RPTOR: variants seen among roughly 807,000 people sequenced by gnomAD.
RPTOR encodes regulatory associated protein of MTOR complex 1.
In RPTOR, 21 loss-of-function variants were observed where a neutral mutation model predicts 169.9. The observed-to-expected ratio is 0.12, with a 90% CI of 0.09 to 0.18. RPTOR has a LOEUF of 0.18. RPTOR is among the 10% of genes least tolerant of loss of function. RPTOR has a pLI of 1.00. For synonymous variants in RPTOR, 732 were observed against 753.2 expected (o/e 0.97, Z 0.46); for missense variants, 1,133 against 1,855.9 (o/e 0.61, Z 7.16).
At chr17:80,894,951 C>T (rs538770159) in intron 20 of RPTOR, among the ~76,000 whole-genome samples, 12 of 152,366 alleles carry the variant, frequency 7.9e-5, no homozygotes, top group Non-Finnish European at 1.5e-4. Flanking sequence ...ATGCGTGGCC[C>T]GCAAAGCCCG....
intron 13 of RPTOR, among the ~76,000 whole-genome samples, chr17:80,866,759 T>C (rs114500061): frequency 2.7e-3 from 411 of 152,282 alleles, no homozygotes; most frequent in African/African-American, 9.8e-3. Flanking sequence ...CTTCTTTTTT[T>C]TTTAGAGACT....
intron 5 of RPTOR, among the ~76,000 whole-genome samples, chr17:80,745,638 C>T (rs2066565555): frequency 6.6e-6 from 1 of 152,174 alleles, no homozygotes; most frequent in South Asian, 2.1e-4. Context: ...CCTTTAGCAG[C>T]CTCAGCCTTT....
intron 20 of RPTOR, among the ~76,000 whole-genome samples, chr17:80,900,388 C>T (rs948249448): frequency 5.3e-5 from 8 of 152,020 alleles, no homozygotes; most frequent in Non-Finnish European, 7.4e-5. Flanking sequence ...TTTAATGGCG[C>T]GATCTCTGCT....
chr17:80,687,614 A>C (rs1203628626), intron 3 of RPTOR, among the ~76,000 whole-genome samples: 1 of 152,004 alleles, frequency 6.6e-6, no homozygotes, highest in Non-Finnish European at 1.5e-5. Flanking sequence ...TGGGTGTTGT[A>C]CCTCGGTGTC....
chr17:80,561,525 G>A (rs2084495839), intron 1 of RPTOR, among the ~76,000 whole-genome samples: 1 of 151,864 alleles, frequency 6.6e-6, no homozygotes, highest in African/African-American at 2.4e-5. Flanking sequence ...CGACCTCCCT[G>A]GTCTCAGGTG....
chr17:80,908,690 A>G (rs1443797441), intron 20 of RPTOR, 121 bp from the exon 21 acceptor site: 3 of 704,282 alleles, frequency 4.3e-6, no homozygotes, highest in Admixed American at 2.3e-5. Context: ...GCTTCCTGTA[A>G]CCTCGGCTCT....
intron 3 of RPTOR, among the ~76,000 whole-genome samples, chr17:80,681,800 C>CTCTTACACCTTCATGAGGTGTACGTT: frequency 1.9e-5 from 1 of 52,250 alleles, no homozygotes; most frequent in Admixed American, 1.4e-4. Context: ...AGGTGTACGT[C>CTCTTACACCTTCATGAGGTGTACGTT]TCTTACACCT....
chr17:80,740,626 A>G (rs1268426696), intron 5 of RPTOR, among the ~76,000 whole-genome samples: 2 of 152,188 alleles, frequency 1.3e-5, no homozygotes, highest in East Asian at 1.9e-4. Context: ...ATGTTTAAAA[A>G]TTAATTAATG....
At position 80,562,701 on chromosome 17, in the gene RPTOR, T is replaced by A. The variant is rs1454010260; in HGVS notation, c.162+16910T>A. On this transcript the variant is annotated intron_variant, in intron 1 of 33. Transcript: ENST00000306801. The surrounding 1 kb of genome is among the most constrained non-coding windows in gnomAD (Gnocchi z 4.4). ...AAGGAGGCTGAGGCAGGAGAATCGC[T>A]TGAACCTGGGAGGCAGAGGTTGCAG... 6.6e-6 allele frequency among the ~76,000 whole-genome samples: 1 copy of A among 152,126 alleles called. No individual in the cohort carries two copies. Among genetic ancestry groups the A allele is most frequent in the Non-Finnish European group, 1.5e-5 (1 of 68,020 alleles).
At chr17:80,678,828 C>T (rs998253615) in intron 3 of RPTOR, among the ~76,000 whole-genome samples, 5 of 152,134 alleles carry the variant, frequency 3.3e-5, no homozygotes, top group Non-Finnish European at 7.3e-5. Context: ...CCTCAGTGTG[C>T]GTGGATTGGG....
In RPTOR at chr17:80,965,123, A is replaced by G. The variant is rs1351944978; in HGVS notation, c.*793A>G. 3 of 233,124 alleles carry G rather than the reference A, an allele frequency of 1.3e-5. No homozygotes were observed. The highest frequency in any genetic ancestry group is 1.1e-4 in the Admixed American group (2 of 17,780). 14.4% of individuals were successfully genotyped at this position (233,124 alleles called of 1,614,324 possible). ...GGCGAGGTAGCCCCTGCCTTAATCC[A>G]CGGGGCTCCTTTCCCTCCGAAGGGC... On this transcript the variant is annotated 3_prime_UTR_variant, in exon 34 of 34. Coordinates refer to ENST00000306801, the MANE Select transcript of RPTOR (RefSeq NM_020761.3).
At chr17:80,598,216 C>T (rs1238528959) in intron 1 of RPTOR, among the ~76,000 whole-genome samples, 1 of 152,038 alleles carries the variant, frequency 6.6e-6, no homozygotes, top group African/African-American at 2.4e-5. Flanking sequence ...TCACCCAAAG[C>T]ATGATGGGAA....
At chr17:80,929,355 G>A (rs1419913462) in intron 24 of RPTOR, among the ~76,000 whole-genome samples, 3 of 152,268 alleles carry the variant, frequency 2.0e-5, no homozygotes, top group Non-Finnish European at 4.4e-5. Flanking sequence ...CTAGAAGGTG[G>A]AGTTGGAGCC....
chr17:80,750,932 A>C (rs2066624455), intron 5 of RPTOR, among the ~76,000 whole-genome samples: 1 of 152,158 alleles, frequency 6.6e-6, no homozygotes, highest in African/African-American at 2.4e-5. Flanking sequence ...AAAAAACCTC[A>C]TTCCTCTAGA....
intron 7 of RPTOR, among the ~76,000 whole-genome samples, chr17:80,799,941 C>T (rs2067140054): frequency 6.6e-6 from 1 of 152,230 alleles, no homozygotes; most frequent in South Asian, 2.1e-4. Context: ...TCCTTGCCCG[C>T]TGCCATCTGA....
chr17:80,900,546 C>A (rs913022407), intron 20 of RPTOR, among the ~76,000 whole-genome samples: 2 of 152,190 alleles, frequency 1.3e-5, no homozygotes, highest in Non-Finnish European at 2.9e-5. Context: ...GAACTTCCAA[C>A]CTCGGGTGAT....
intron 4 of RPTOR, among the ~76,000 whole-genome samples, chr17:80,713,169 A>G (rs2066210048): frequency 6.6e-6 from 1 of 152,122 alleles, no homozygotes; most frequent in Admixed American, 6.5e-5. Flanking sequence ...CCTGGGTTCA[A>G]GTGATTCTCC....
chr17:80,911,046 T>C (rs1311476118), intron 21 of RPTOR, among the ~76,000 whole-genome samples: 2 of 152,098 alleles, frequency 1.3e-5, no homozygotes, highest in Non-Finnish European at 2.9e-5. Flanking sequence ...TTGGCCAGGA[T>C]GGTCTCGGTC....
At chr17:80,963,092 G>T in intron 33 of RPTOR, 35 bp downstream of exon 33, 1 of 880,920 alleles carries the variant, frequency 1.1e-6, no homozygotes, top group South Asian at 1.4e-5. Flanking sequence ...CGGGGGTCGG[G>T]GGCTGGGGTA....
Sources: gnomAD v4.1 joint callset for allele counts (sites outside exome capture counted in the v4.1 genomes callset) on GRCh38, gnomAD v4.1.1 for gene constraint, Gnocchi (gnomAD v3.1) non-coding constraint, MANE v1.5 for transcripts, NCBI Gene and HGNC (gene_info 2026-07-23, HGNC 2026-07-21) for gene names.